The following MYBPHL variants were observed in gnomAD, a reference collection of about 807,000 sequenced individuals.
MYBPHL encodes the protein myosin-binding protein H-like.
Under a neutral mutation model 39.5 loss-of-function variants are expected in MYBPHL, and 32 were observed. The ratio of observed to expected loss-of-function variants is 0.81; its 90% confidence interval spans 0.61 to 1.09. The LOEUF (loss-of-function observed/expected upper bound fraction) is 1.09, where lower values mean the gene tolerates loss of function less well. MYBPHL is among the 50% of genes least tolerant of loss of function. The pLI is 0.00. For synonymous variants in MYBPHL, 196 were observed against 183.7 expected, an observed-to-expected ratio of 1.07 and a Z score of -0.54; for missense variants, 456 against 460.2, an observed-to-expected ratio of 0.99 and a Z score of 0.08.
intron 1 of MYBPHL, among the ~76,000 whole-genome samples, chr1:109,303,750 T>C (rs2101489445): frequency 6.6e-6 from 1 of 152,278 alleles, no homozygotes; most frequent in South Asian, 2.1e-4. Context: ...TGTCAGTCCT[T>C]ACTCCCAGTC....
intron 1 of MYBPHL, among the ~76,000 whole-genome samples, chr1:109,305,711 C>T (rs1253545383): frequency 6.6e-6 from 1 of 152,208 alleles, no homozygotes; most frequent in African/African-American, 2.4e-5. Flanking sequence ...ACAAACTTGG[C>T]CAGCTCTCTG....
Position 109,297,596 on chromosome 1 carries a change from T to C in MYBPHL, c.256A>G (p.Ile86Val), listed in dbSNP as rs774942604. Residue 86 changes from isoleucine to valine, a missense_variant, in exon 3 of 9, where the codon ATC (isoleucine) becomes GTC (valine). Physicochemically the swap from Ile to Val is conservative, Grantham distance 29. Transcript: ENST00000357155. ...PFQGKPKPQA[I>V]WTHDGCALDT... ...AAGGCACAGCCATCATGTGTCCAGA[T>C]GGCTTGAGGTTTGGGCTTGCCCTGA... 1.2e-6 allele frequency: 2 copies of C among 1,613,560 alleles called. No individual in the cohort carries two copies. The highest frequency in any genetic ancestry group is 2.2e-5 in the East Asian group (1 of 44,880).
At chr1:109,305,652 C>G (rs1383718164) in intron 1 of MYBPHL, among the ~76,000 whole-genome samples, 1 of 152,198 alleles carries the variant, frequency 6.6e-6, no homozygotes, top group Admixed American at 6.5e-5. Context: ...CTCCATCACC[C>G]CAGCTTAATA....
Position 109,295,229 on chromosome 1 carries a change from G to A in MYBPHL, c.936C>T (p.His312=). The A allele has an allele frequency of 1.9e-6, 3 of 1,614,174 alleles. No individual in the cohort carries two copies. Among genetic ancestry groups the A allele is most frequent in the South Asian group, 2.2e-5 (2 of 91,088 alleles). Reference sequence around the variant, plus strand: ...GGATCTCTAGGGAGCAGATTCCCAGGTGAGTCAGGGCTCTGTACTTAGGGT... The same window carrying A: ...GGATCTCTAGGGAGCAGATTCCCAGATGAGTCAGGGCTCTGTACTTAGGGT... ...QGNPKYRALT[H]LGICSLEIRK... Residue 312 remains histidine, a synonymous_variant, in exon 7 of 9, where the codon CAC becomes CAT. Transcript: ENST00000357155.
chr1:109,295,807 G>A (rs555889718), intron 6 of MYBPHL, among the ~76,000 whole-genome samples: 1 of 152,320 alleles, frequency 6.6e-6, no homozygotes, highest in African/African-American at 2.4e-5. Flanking sequence ...TGCTGTGTGT[G>A]GAGCATGATG....
chr1:109,292,708 T>C (rs2101461655), intron 8 of MYBPHL, 120 bp from the exon 9 acceptor site: 1 of 152,346 alleles, frequency 6.6e-6, no homozygotes, highest in Middle Eastern at 3.4e-3. Context: ...TCCTGAGAAG[T>C]CTGTACTTGT....
chr1:109,297,249 C>T, intron 3 of MYBPHL, 60 bp from the exon 4 acceptor site: 2 of 1,611,668 alleles, frequency 1.2e-6, no homozygotes, highest in Non-Finnish European at 1.7e-6. Flanking sequence ...GAAGTCACTT[C>T]AGGAGTGCCC....
intron 5 of MYBPHL, 72 bp from the exon 6 acceptor site, chr1:109,296,442 T>A (rs1658067239): frequency 4.4e-5 from 8 of 182,236 alleles, no homozygotes; most frequent in Non-Finnish European, 7.2e-5. Context: ...ATCCTTAGTA[T>A]TTTTTTTTTT....
At chr1:109,298,311 C>T in intron 1 of MYBPHL, 54 bp from the exon 2 acceptor site, 1 of 1,497,690 alleles carries the variant, frequency 6.7e-7, no homozygotes, top group Non-Finnish European at 9.2e-7. Flanking sequence ...AAAGTAAATC[C>T]TGCATCCAGC....
Position 109,295,188 on chromosome 1 carries a change from A to G in MYBPHL, c.977T>C (p.Phe326Ser), listed in dbSNP as rs146381593. The G allele has an allele frequency of 2.6e-4, 424 of 1,614,024 alleles. No homozygotes were observed. Among genetic ancestry groups the G allele is most frequent in the Non-Finnish European group, 3.4e-4 (399 of 1,180,026 alleles). ...CSLEIRKPGP[F>S]DGGIYTCKAV... ...CTTGCAGGTATAGATGCCTCCATCA[A>G]AGGGACCCGGCTTGCGGATCTCTAG... The change falls in exon 7 of 9, where the codon TTT becomes TCT. Residue 326 changes from phenylalanine to serine, a missense_variant. Coordinates refer to ENST00000357155, the MANE Select transcript of MYBPHL (RefSeq NM_001010985.3).
intron 1 of MYBPHL, among the ~76,000 whole-genome samples, chr1:109,298,473 G>A (rs1658168235): frequency 6.6e-6 from 1 of 152,170 alleles, no homozygotes; most frequent in Non-Finnish European, 1.5e-5. Context: ...CTCAGCAGAA[G>A]GAACACTGGA....
At chr1:109,301,174 C>T (rs1026365923) in intron 1 of MYBPHL, among the ~76,000 whole-genome samples, 5 of 152,190 alleles carry the variant, frequency 3.3e-5, no homozygotes. Flanking sequence ...TTGTACTGAC[C>T]TTGGGGAGGC....
chr1:109,299,108 C>A (rs1658193059), intron 1 of MYBPHL, among the ~76,000 whole-genome samples: 1 of 152,224 alleles, frequency 6.6e-6, no homozygotes, highest in Non-Finnish European at 1.5e-5. Context: ...AAACATTCCA[C>A]CTGCGTTCCC....
Position 109,297,591 on chromosome 1 carries a change from C to A in MYBPHL, c.261G>T (p.Trp87Cys). 1 of 1,613,664 alleles carries A rather than the reference C, an allele frequency of 6.2e-7. No homozygotes were observed. The highest frequency in any genetic ancestry group is 8.5e-7 in the Non-Finnish European group (1 of 1,179,954). Residue 87 changes from tryptophan (W) to cysteine (C), a missense_variant, in exon 3 of 9, where the codon TGG becomes TGT. Physicochemically the swap from Trp to Cys is radical, Grantham distance 215. Coordinates refer to ENST00000357155, the MANE Select transcript of MYBPHL (RefSeq NM_001010985.3). ...FQGKPKPQAI[W>C]THDGCALDTR... ...TGTCCAAGGCACAGCCATCATGTGT[C>A]CAGATGGCTTGAGGTTTGGGCTTGC...
chr1:109,301,680 G>A (rs1658285104), intron 1 of MYBPHL, among the ~76,000 whole-genome samples: 1 of 151,846 alleles, frequency 6.6e-6, no homozygotes. Flanking sequence ...GGCAGAGGTT[G>A]CAGTGAGCCG....
intron 1 of MYBPHL, among the ~76,000 whole-genome samples, chr1:109,303,122 T>C (rs886756089): frequency 6.6e-6 from 1 of 152,238 alleles, no homozygotes; most frequent in African/African-American, 2.4e-5. Flanking sequence ...AATAGATGTA[T>C]GTCATTCCTG....
In MYBPHL at chr1:109,306,889, CCT is replaced by C. The variant is rs750451765; in HGVS notation, c.101_102del (p.Gln34ArgfsTer56). ...DAEPPQASPG[Q>X]GAGSPTPQLL... ...AGCTGGGGAGTGGGGCTGCCAGCCC[CCT>C]GTCCAGGTGAAGCCTGGGGTGGTTC... On this transcript the variant is annotated frameshift_variant, in exon 1 of 9. Coordinates refer to ENST00000357155, the MANE Select transcript of MYBPHL (RefSeq NM_001010985.3). LOFTEE classifies it high-confidence loss of function. The C allele has an allele frequency of 1.9e-6, 3 of 1,603,016 alleles. No homozygotes were observed. In the Admixed American group the frequency reaches 5.1e-5, roughly 27 times the overall value.
intron 1 of MYBPHL, among the ~76,000 whole-genome samples, chr1:109,300,290 A>G (rs1236394270): frequency 1.3e-5 from 2 of 152,228 alleles, no homozygotes; most frequent in African/African-American, 2.4e-5. Context: ...TGAAGGACCC[A>G]TTCTCAGAGC....
At chr1:109,301,228 C>CAGGA (rs1284732244) in intron 1 of MYBPHL, among the ~76,000 whole-genome samples, 3 of 152,132 alleles carry the variant, frequency 2.0e-5, no homozygotes, top group Admixed American at 6.5e-5. Context: ...CCTTAGATGA[C>CAGGA]AGGAGGGATG....
Sources: allele counts gnomAD v4.1 joint callset (sites outside exome capture counted in the v4.1 genomes callset), GRCh38; gene constraint gnomAD v4.1.1; transcripts MANE v1.5; gene names NCBI Gene and HGNC (gene_info 2026-07-23, HGNC 2026-07-21).